Variants in HS6ST2 observed in about 807,000 individuals in gnomAD.
The protein encoded by HS6ST2 is heparan sulfate 6-O-sulfotransferase 2.
HS6ST2 carries 17 observed loss-of-function variants against 33.0 expected under a neutral mutation model. That is an observed-to-expected ratio of 0.52 (90% CI 0.35 to 0.77). The LOEUF (loss-of-function observed/expected upper bound fraction) is 0.77. Ranked by LOEUF, HS6ST2 falls within the 30% of genes least tolerant of loss-of-function variation. The pLI, the probability that HS6ST2 is intolerant of heterozygous loss-of-function variation, is 0.01. For missense variants in HS6ST2, 519 were observed against 551.7 expected (o/e 0.94, Z 0.59); for synonymous variants, 248 against 237.1 (o/e 1.05, Z -0.42).
chrX:132,937,254 A>C (rs1220508093), intron 2 of HS6ST2, among the ~76,000 whole-genome samples: 1 of 112,240 alleles, frequency 8.9e-6, no homozygotes, highest in East Asian at 2.8e-4. Flanking sequence ...AATATTGTTA[A>C]AATGTCCACA....
intron 2 of HS6ST2, among the ~76,000 whole-genome samples, chrX:132,854,424 G>A (rs568995169): frequency 1.8e-5 from 2 of 112,678 alleles, no homozygotes; most frequent in South Asian, 7.4e-4. Flanking sequence ...AAACAGCAGG[G>A]TCTTGGATAA....
intron 2 of HS6ST2, among the ~76,000 whole-genome samples, chrX:132,805,947 A>C (rs1032298210): frequency 2.7e-5 from 3 of 110,286 alleles, no homozygotes; most frequent in African/African-American, 9.8e-5. Flanking sequence ...TATTAATATC[A>C]ATATCATTCC....
At chrX:132,886,947 C>G (rs988057922) in intron 2 of HS6ST2, among the ~76,000 whole-genome samples, 1 of 110,411 alleles carries the variant, frequency 9.1e-6, no homozygotes, top group Non-Finnish European at 1.9e-5. Flanking sequence ...CCAGCCTGAC[C>G]AACATGATGA....
rs183279732 is a variant in HS6ST2, at chrX:132,907,978, C to A, written c.947+48830G>T. Among the ~76,000 whole-genome samples, 206 of 111,852 alleles carry A rather than the reference C, an allele frequency of 1.8e-3. 1 individual carries two copies. Among genetic ancestry groups the A allele is most frequent in the African/African-American group, 6.5e-3 (199 of 30,831 alleles). ...CTTCAAAGAACATCAAGAAAGAAAACTCACAGAATGGGAGGAAGTTTTTGC... is the reference window on the plus strand; with the variant it reads ...CTTCAAAGAACATCAAGAAAGAAAAATCACAGAATGGGAGGAAGTTTTTGC... On this transcript the variant is annotated intron_variant, in intron 2 of 4. Coordinates refer to ENST00000370833, the MANE Select transcript of HS6ST2 (RefSeq NM_001394073.1).
At chrX:132,742,646 TG>T (rs2064591481) in intron 2 of HS6ST2, among the ~76,000 whole-genome samples, 1 of 112,640 alleles carries the variant, frequency 8.9e-6, no homozygotes, top group Non-Finnish European at 1.9e-5. Context: ...ACAGGTTTTT[TG>T]TGTGTTTCTG....
intron 2 of HS6ST2, among the ~76,000 whole-genome samples, chrX:132,891,752 A>G (rs759105255): frequency 7.1e-5 from 8 of 111,966 alleles, no homozygotes; most frequent in African/African-American, 2.3e-4. Flanking sequence ...TCCACGGTGT[A>G]TATGTGCCAC....
At chrX:132,795,492 C>T (rs764317264) in intron 2 of HS6ST2, among the ~76,000 whole-genome samples, 2 of 112,186 alleles carry the variant, frequency 1.8e-5, no homozygotes, top group African/African-American at 3.2e-5. Flanking sequence ...CCACAGCCGA[C>T]GTGCTCAAAG....
intron 2 of HS6ST2, among the ~76,000 whole-genome samples, chrX:132,728,553 T>A (rs947633815): frequency 2.7e-5 from 3 of 111,800 alleles, no homozygotes; most frequent in Non-Finnish European, 5.6e-5. Flanking sequence ...CTGACCCACA[T>A]AGATGGGATT....
chrX:132,856,477 T>C (rs1224929958), intron 2 of HS6ST2, among the ~76,000 whole-genome samples: 4 of 111,786 alleles, frequency 3.6e-5, no homozygotes, highest in African/African-American at 1.3e-4. Context: ...TTAAACAATG[T>C]GAGAATGATC....
At position 132,893,758 on chromosome X, in the gene HS6ST2, G is replaced by A. The variant is rs1238182463; in HGVS notation, c.947+63050C>T. On this transcript the variant is annotated intron_variant, in intron 2 of 4. Transcript: ENST00000370833. ...GGGGAAGAATGAATATGGCATTGAG[G>A]TCTATTGAATGCCACTAAACAGGGT... 5.4e-5 allele frequency among the ~76,000 whole-genome samples: 6 copies of A among 111,432 alleles called. No homozygotes were observed. The Admixed American group carries it at 5.7e-4, about 11-fold the overall frequency.
chrX:132,869,955 TAGGAAGAG>T (rs2066041209), intron 2 of HS6ST2, among the ~76,000 whole-genome samples: 1 of 111,301 alleles, frequency 9.0e-6, no homozygotes, highest in South Asian at 3.8e-4. Context: ...GGTATTCAAA[TAGGAAGAG>T]AGGAAGTCGA....
chrX:132,864,866 C>T (rs1236417722), intron 2 of HS6ST2, among the ~76,000 whole-genome samples: 4 of 111,488 alleles, frequency 3.6e-5, no homozygotes, highest in South Asian at 3.9e-4. Flanking sequence ...AAAGAAAGGT[C>T]GCGTTACCCA....
At chrX:132,959,370 G>A (rs1457778703), upstream of HS6ST2, among the ~76,000 whole-genome samples, 2 of 112,373 alleles carry the variant, frequency 1.8e-5, no homozygotes, top group Non-Finnish European at 3.8e-5. Context: ...CCATCTGATT[G>A]ATCAAAGGGG....
intron 2 of HS6ST2, among the ~76,000 whole-genome samples, chrX:132,855,419 G>C (rs1012533204): frequency 2.6e-4 from 29 of 112,381 alleles, no homozygotes; most frequent in African/African-American, 9.4e-4. Context: ...AGTTTCATGA[G>C]AGCAGGAACC....
intron 4 of HS6ST2, among the ~76,000 whole-genome samples, chrX:132,643,316 G>C (rs953376331): frequency 1.8e-5 from 2 of 110,913 alleles, no homozygotes; most frequent in African/African-American, 6.6e-5. Context: ...TCAACCAAGG[G>C]GGAGCCTGAG....
intron 4 of HS6ST2, among the ~76,000 whole-genome samples, chrX:132,632,481 C>T (rs1442537332): frequency 9.1e-6 from 1 of 110,482 alleles, no homozygotes; most frequent in Non-Finnish European, 1.9e-5. Flanking sequence ...ATCAGAGAAG[C>T]ACGCTGGGGA....
intron 2 of HS6ST2, among the ~76,000 whole-genome samples, chrX:132,759,862 C>G (rs930296318): frequency 1.8e-5 from 2 of 111,765 alleles, no homozygotes; most frequent in African/African-American, 6.5e-5. Flanking sequence ...AGGCACTGTA[C>G]TAAATTACAT....
intron 4 of HS6ST2, among the ~76,000 whole-genome samples, chrX:132,632,270 GCA>G (rs2063523411): frequency 9.0e-6 from 1 of 111,215 alleles, no homozygotes; most frequent in Non-Finnish European, 1.9e-5. Context: ...TCAACTGAAA[GCA>G]CTTGATGCTG....
At chrX:132,835,871 G>T (rs979848506) in intron 2 of HS6ST2, among the ~76,000 whole-genome samples, 1 of 111,808 alleles carries the variant, frequency 8.9e-6, no homozygotes, top group Non-Finnish European at 1.9e-5. Context: ...AGCTGAGATT[G>T]CGACACTGCA....
Sources: gnomAD v4.1 joint callset for allele counts (sites outside exome capture counted in the v4.1 genomes callset) on GRCh38, gnomAD v4.1.1 for gene constraint, MANE v1.5 for transcripts, NCBI Gene and HGNC (gene_info 2026-07-23, HGNC 2026-07-21) for gene names.